The following SLC44A5 variants were observed in gnomAD, a reference collection of about 807,000 sequenced individuals.
SLC44A5 encodes solute carrier family 44 member 5, also known as choline transporter-like protein 5.
In SLC44A5, 57 loss-of-function variants were observed where a neutral mutation model predicts 101.8. That is an observed-to-expected ratio of 0.56 (90% CI 0.45 to 0.70). The LOEUF is 0.70. Ranked by LOEUF, SLC44A5 falls within the 30% of genes least tolerant of loss-of-function variation. SLC44A5 has a pLI of 0.00. For synonymous variants in SLC44A5, 281 were observed against 290.9 expected (o/e 0.97, Z 0.35); for missense variants, 737 against 853.1 (o/e 0.86, Z 1.70).
intron 2 of SLC44A5, among the ~76,000 whole-genome samples, chr1:75,498,950 A>G (rs865839214): frequency 5.3e-5 from 8 of 152,226 alleles, no homozygotes; most frequent in African/African-American, 1.7e-4. Context: ...AACAAACCAC[A>G]TATATGAAGG....
At chr1:75,478,191 C>G (rs1667560721) in intron 2 of SLC44A5, among the ~76,000 whole-genome samples, 2 of 151,924 alleles carry the variant, frequency 1.3e-5, no homozygotes, top group Non-Finnish European at 2.9e-5. Context: ...CCTTTACAGA[C>G]AAGCAAATGC....
intron 23 of SLC44A5, among the ~76,000 whole-genome samples, chr1:75,210,537 A>G (rs1646833601): frequency 2.0e-5 from 3 of 152,316 alleles, no homozygotes; most frequent in African/African-American, 7.2e-5. Context: ...TGTGATGCAC[A>G]GTGCGAATTG....
intron 5 of SLC44A5, among the ~76,000 whole-genome samples, chr1:75,293,847 A>G (rs1474689288): frequency 1.3e-5 from 2 of 152,188 alleles, no homozygotes; most frequent in Non-Finnish European, 2.9e-5. Flanking sequence ...AACTCACTCA[A>G]TACTAAAATA....
Position 75,215,765 on chromosome 1 carries a change from C to A in SLC44A5, c.1717G>T (p.Ala573Ser). The A allele has an allele frequency of 6.3e-7, 1 of 1,586,126 alleles. No individual in the cohort carries two copies. The highest frequency in any genetic ancestry group is 2.2e-5 in the East Asian group (1 of 44,522). Residue 573 changes from alanine (A) to serine (S), a missense_variant, in exon 19 of 24, where the codon GCC becomes TCC. By Grantham distance (99) the Ala-to-Ser change is moderately conservative. This residue lies in a region of SLC44A5 where 665 missense variants were observed against 764.4 expected (regional missense o/e 0.87). Coordinates refer to ENST00000370859, the MANE Select transcript of SLC44A5 (RefSeq NM_001130058.2). Reference sequence around the variant, plus strand: ...AATAATCTACCTACCATAATATAGGCATTTCTGTTTAAAAACTTTATTGCA... The same window carrying A: ...AATAATCTACCTACCATAATATAGGAATTTCTGTTTAAAAACTTTATTGCA... ...ENAIKFLNRN[A>S]YIMIAIYGRN...
At chr1:75,388,804 C>G (rs1218022058) in intron 3 of SLC44A5, among the ~76,000 whole-genome samples, 1 of 151,352 alleles carries the variant, frequency 6.6e-6, no homozygotes, top group Non-Finnish European at 1.5e-5. Context: ...AACAAAAACT[C>G]ACATATCAAT....
chr1:75,670,456 G>A, the SLC44A5 span, among the ~76,000 whole-genome samples: 1 of 152,092 alleles, frequency 6.6e-6, no homozygotes, highest in Admixed American at 6.6e-5. Flanking sequence ...AATTCTAAAT[G>A]CTAGAAACAA....
chr1:75,336,163 T>C (rs1657426282), intron 4 of SLC44A5, among the ~76,000 whole-genome samples: 3 of 152,090 alleles, frequency 2.0e-5, no homozygotes, highest in Admixed American at 2.0e-4. Flanking sequence ...TTATTATTAT[T>C]ATTATTTTTT....
intron 3 of SLC44A5, among the ~76,000 whole-genome samples, chr1:75,393,972 A>G (rs1344163161): frequency 1.3e-5 from 2 of 152,200 alleles, no homozygotes; most frequent in African/African-American, 4.8e-5. Context: ...AGAAAGAGCA[A>G]TCAGGGCTAG....
intron 1 of SLC44A5, among the ~76,000 whole-genome samples, chr1:75,546,842 A>C (rs1671678327): frequency 6.6e-6 from 1 of 152,200 alleles, no homozygotes. Flanking sequence ...AGAACCATGC[A>C]TGGATTTTAA....
intron 3 of SLC44A5, among the ~76,000 whole-genome samples, chr1:75,345,467 T>C (rs17097955): frequency 0.097 from 14,824 of 152,152 alleles, 953 homozygotes; most frequent in African/African-American, 0.18. Flanking sequence ...GACCAACTAA[T>C]ATGGGAAACA....
chr1:75,533,582 G>C (rs892213502), intron 2 of SLC44A5, among the ~76,000 whole-genome samples: 1 of 152,076 alleles, frequency 6.6e-6, no homozygotes, highest in African/African-American at 2.4e-5. Flanking sequence ...TTGCAGGAAG[G>C]CCACTGCACC....
chr1:75,579,401 C>T (rs368349525), intron 1 of SLC44A5, among the ~76,000 whole-genome samples: 21 of 152,302 alleles, frequency 1.4e-4, no homozygotes, highest in African/African-American at 5.1e-4. Context: ...TGTGATCACA[C>T]GACTGCACTC....
chr1:75,318,856 C>T (rs1248659389), intron 4 of SLC44A5, among the ~76,000 whole-genome samples: 1 of 152,154 alleles, frequency 6.6e-6, no homozygotes, highest in Non-Finnish European at 1.5e-5. Context: ...AAGGGCAAAG[C>T]CCTGCTTCCT....
chr1:75,715,264 T>C, the SLC44A5 span, among the ~76,000 whole-genome samples: 3 of 152,014 alleles, frequency 2.0e-5, no homozygotes, highest in Admixed American at 2.0e-4. Flanking sequence ...AAACTACCAA[T>C]GGCATTCTTC....
chr1:75,243,951 C>T (rs1308349389), intron 7 of SLC44A5, among the ~76,000 whole-genome samples: 4 of 151,996 alleles, frequency 2.6e-5, no homozygotes. Flanking sequence ...TAGAAAGAGC[C>T]TGGCACCTCC....
chr1:75,337,575 G>C (rs1175156751), intron 4 of SLC44A5, among the ~76,000 whole-genome samples: 1 of 152,084 alleles, frequency 6.6e-6, no homozygotes, highest in Non-Finnish European at 1.5e-5. Context: ...GAATATCAGG[G>C]AGAAATCTTG....
At chr1:75,636,084 C>A in the SLC44A5 span, among the ~76,000 whole-genome samples, 1 of 152,008 alleles carries the variant, frequency 6.6e-6, no homozygotes, top group Non-Finnish European at 1.5e-5. Context: ...ATTCACCCCT[C>A]GGAGTCTCCT....
intron 4 of SLC44A5, among the ~76,000 whole-genome samples, chr1:75,308,429 TG>T (rs532310787): frequency 6.3e-4 from 96 of 152,222 alleles, no homozygotes; most frequent in African/African-American, 2.2e-3. Flanking sequence ...AAGTGATGCC[TG>T]TATAAAAGTG....
chr1:75,405,263 T>A (rs892328878), intron 2 of SLC44A5, among the ~76,000 whole-genome samples: 6 of 152,094 alleles, frequency 3.9e-5, no homozygotes, highest in African/African-American at 1.4e-4. Context: ...CTTGGGAGAC[T>A]CTAACACCCC....
Sources: gnomAD v4.1 joint callset for allele counts (sites outside exome capture counted in the v4.1 genomes callset) on GRCh38, gnomAD v4.1.1 for gene constraint, gnomAD v4.1.1 regional missense constraint, MANE v1.5 for transcripts, NCBI Gene and HGNC (gene_info 2026-07-23, HGNC 2026-07-21) for gene names.